STRBP: variants seen among roughly 807,000 people sequenced by gnomAD.
STRBP encodes spermatid perinuclear RNA binding protein, also known as spermatid perinuclear RNA-binding protein.
STRBP carries 13 observed loss-of-function variants against 80.1 expected under a neutral mutation model. That is an observed-to-expected ratio of 0.16 (90% confidence interval 0.11 to 0.26). The LOEUF (loss-of-function observed/expected upper bound fraction) is 0.26. Among genes scored for constraint, STRBP ranks in the 10% least tolerant of loss-of-function variants. The pLI, the probability that STRBP is intolerant of heterozygous loss-of-function variation, is 1.00. For synonymous variants in STRBP, 284 were observed against 291.2 expected (o/e 0.98, Z 0.25); for missense variants, 485 against 815.2 (o/e 0.59, Z 4.93).
downstream of STRBP, chr9:123,121,155 T>C (rs547216166): frequency 6.6e-6 from 1 of 152,314 alleles, no homozygotes; most frequent in African/African-American, 2.4e-5. Context: ...CAACCTTTTA[T>C]AGATGCCAAA....
intron 13 of STRBP, among the ~76,000 whole-genome samples, chr9:123,142,896 A>C (rs562538150): frequency 6.6e-6 from 1 of 152,326 alleles, no homozygotes; most frequent in South Asian, 2.1e-4. Context: ...CTAATACATC[A>C]ATTGAGCTTA....
chr9:123,192,216 A>T (rs1350943954), intron 2 of STRBP, among the ~76,000 whole-genome samples: 4 of 152,220 alleles, frequency 2.6e-5, no homozygotes, highest in African/African-American at 9.6e-5. Flanking sequence ...CCTAGTGTTC[A>T]GCAGAGAGGT....
At chr9:123,250,479 C>T (rs183158302) in intron 1 of STRBP, among the ~76,000 whole-genome samples, 79 of 151,780 alleles carry the variant, frequency 5.2e-4, no homozygotes, top group Middle Eastern at 3.4e-3. Flanking sequence ...TTGGGGTCCT[C>T]GATAATGTTT....
Position 123,234,126 on chromosome 9 carries a change from G to C in STRBP, c.-165+2704C>G, listed in dbSNP as rs1021931969. On this transcript the variant is annotated intron_variant, in intron 2 of 18. Transcript: ENST00000348403. The stretch of plus-strand genomic sequence containing the variant: ...TGAGGCAGGAGAATGGCATGAACCC[G>C]GGAGGCAGAGTTTGTGGTGAGCAGA... Among the ~76,000 whole-genome samples, 4 of 151,306 alleles carry C rather than the reference G, an allele frequency of 2.6e-5. No individual in the cohort carries two copies. The South Asian group carries it at 8.4e-4, about 32-fold the overall frequency.
chr9:123,189,133 A>G (rs1316375238), intron 2 of STRBP, among the ~76,000 whole-genome samples: 1 of 152,150 alleles, frequency 6.6e-6, no homozygotes, highest in Non-Finnish European at 1.5e-5. Flanking sequence ...GCAGCCATAA[A>G]AAATGATGAG....
At chr9:123,150,830 G>A (rs1231715352) in intron 11 of STRBP, among the ~76,000 whole-genome samples, 1 of 152,112 alleles carries the variant, frequency 6.6e-6, no homozygotes, top group Non-Finnish European at 1.5e-5. Context: ...TTATACACTA[G>A]AAGTAAGATG....
At chr9:123,180,203 T>A (rs1319064118) in intron 3 of STRBP, among the ~76,000 whole-genome samples, 1 of 152,080 alleles carries the variant, frequency 6.6e-6, no homozygotes, top group Non-Finnish European at 1.5e-5. Context: ...TTAAGTGAGC[T>A]ACCACTATGT....
chr9:123,254,206 A>G (rs1329304660), intron 1 of STRBP, among the ~76,000 whole-genome samples: 2 of 152,152 alleles, frequency 1.3e-5, no homozygotes, highest in Non-Finnish European at 2.9e-5. Flanking sequence ...ACATGGTGAA[A>G]GCAGCCCAAG....
rs1412443450 is a variant in STRBP at position 123,123,222 on chromosome 9, G to A, written c.*2375C>T. On this transcript the variant is annotated 3_prime_UTR_variant, in exon 19 of 19. Coordinates refer to ENST00000348403, the MANE Select transcript of STRBP (RefSeq NM_018387.5). ...GTCAATGAAAAAACCACCTACAGTG[G>A]AGAAAAGAGCAGAGAAGCAAAACTT... 3 of 985,314 alleles carry A rather than the reference G, an allele frequency of 3.0e-6. No homozygotes were observed. The highest frequency in any genetic ancestry group is 2.4e-6 in the Non-Finnish European group (2 of 829,942). The allele number at this position is 985,314 out of a possible 1,614,324, so 61.0% of individuals were successfully genotyped here.
chr9:123,231,374 C>A (rs2040393760), intron 2 of STRBP, among the ~76,000 whole-genome samples: 2 of 152,198 alleles, frequency 1.3e-5, no homozygotes, highest in African/African-American at 2.4e-5. Flanking sequence ...CTTATTTTCT[C>A]TTGTTCCTTT....
chr9:123,161,709 A>G (rs2037529559), intron 6 of STRBP, among the ~76,000 whole-genome samples: 1 of 152,228 alleles, frequency 6.6e-6, no homozygotes, highest in East Asian at 1.9e-4. Context: ...AGTGAACTAC[A>G]TTTCAAGTTT....
chr9:123,160,192 T>A (rs914463529), intron 8 of STRBP, among the ~76,000 whole-genome samples, 175 bp downstream of exon 8: 2 of 152,222 alleles, frequency 1.3e-5, no homozygotes. Flanking sequence ...GCAAGTTATA[T>A]GCACAAAAGA....
chr9:123,132,756 C>T, intron 17 of STRBP, 89 bp downstream of exon 17: 2 of 1,526,396 alleles, frequency 1.3e-6, no homozygotes, highest in Middle Eastern at 2.2e-4. Context: ...TTTCCACAAA[C>T]CCTGTACAAC....
chr9:123,200,478 C>G (rs1206990755), intron 2 of STRBP, among the ~76,000 whole-genome samples: 1 of 151,864 alleles, frequency 6.6e-6, no homozygotes, highest in East Asian at 1.9e-4. Flanking sequence ...GGAATAGTTT[C>G]AGTAGGATTG....
intron 2 of STRBP, among the ~76,000 whole-genome samples, chr9:123,216,165 C>G (rs573391664): frequency 3.8e-4 from 58 of 152,296 alleles, no homozygotes; most frequent in African/African-American, 1.2e-3. Context: ...ACCGCTACCC[C>G]CTTCCTAATC....
intron 2 of STRBP, among the ~76,000 whole-genome samples, chr9:123,227,198 T>C (rs1435581448): frequency 1.3e-5 from 2 of 152,180 alleles, no homozygotes; most frequent in Non-Finnish European, 2.9e-5. Flanking sequence ...TTAAATGTTA[T>C]GCAAAAATTT....
intron 1 of STRBP, among the ~76,000 whole-genome samples, chr9:123,248,036 T>C (rs1476015029): frequency 1.3e-5 from 2 of 152,188 alleles, no homozygotes; most frequent in African/African-American, 2.4e-5. Flanking sequence ...CAAGGTGCTT[T>C]AGGAAGCATT....
Position 123,124,481 on chromosome 9 carries a change from G to A in STRBP, c.*1116C>T, listed in dbSNP as rs1030697274. 5.1e-6 allele frequency: 5 copies of A among 985,300 alleles called. No individual in the cohort carries two copies. In the Admixed American group the frequency reaches 3.1e-4, roughly 61 times the overall value. 61.0% of individuals were successfully genotyped at this position (985,300 alleles called of 1,614,324 possible). ...GTCTTAAAAAGAAATGCTGACCCAT[G>A]GCTGAAACCTGTCACTTTTCACAGC... is the stretch of plus-strand genomic sequence containing the variant. On this transcript the variant is annotated 3_prime_UTR_variant, in exon 19 of 19. Transcript: ENST00000348403.
intron 2 of STRBP, among the ~76,000 whole-genome samples, chr9:123,228,730 T>C (rs2040315459): frequency 6.6e-6 from 1 of 152,186 alleles, no homozygotes; most frequent in Non-Finnish European, 1.5e-5. Context: ...ACTTGAACTC[T>C]GGTGGAAATG....
Sources: gnomAD v4.1 joint callset for allele counts (sites outside exome capture counted in the v4.1 genomes callset) on GRCh38, gnomAD v4.1.1 for gene constraint, MANE v1.5 for transcripts, NCBI Gene and HGNC (gene_info 2026-07-23, HGNC 2026-07-21) for gene names.